Variants in SMC4 observed in about 807,000 individuals in gnomAD.
SMC4 encodes structural maintenance of chromosomes protein 4.
Under a neutral mutation model 145.6 loss-of-function variants are expected in SMC4, and 87 were observed. The observed-to-expected ratio is 0.60, with a 90% CI of 0.50 to 0.71. The LOEUF (loss-of-function observed/expected upper bound fraction) is 0.71. SMC4 is among the 30% of genes least tolerant of loss of function. The pLI is 0.00. For synonymous variants in SMC4, 558 were observed against 500.7 expected (o/e 1.11, Z -1.53); for missense variants, 1,447 against 1,537.1 (o/e 0.94, Z 0.98).
At position 160,431,050 on chromosome 3, in the gene SMC4, C is replaced by G. The variant is rs1360590552; in HGVS notation, c.2959C>G (p.Gln987Glu). 1 of 1,600,004 alleles carries G rather than the reference C, an allele frequency of 6.2e-7. No homozygotes were observed. The highest frequency in any genetic ancestry group is 2.3e-5 in the East Asian group (1 of 44,320). The change falls in exon 20 of 24, where the codon CAG becomes GAG. Residue 987 changes from glutamine to glutamate, a missense_variant. Transcript: ENST00000357388. ...NAAEESLPEIQKEHRNLLQEL... is the reference protein window; with the variant it reads ...NAAEESLPEIEKEHRNLLQEL... ...TGTTTAGGAATCCTTACCAGAGATC[C>G]AGAAAGAACATCGCAATCTGCTTCA...
At chr3:160,424,249 C>T (rs1243174143) in intron 15 of SMC4, among the ~76,000 whole-genome samples, 1 of 152,210 alleles carries the variant, frequency 6.6e-6, no homozygotes, top group Non-Finnish European at 1.5e-5. Flanking sequence ...CTTTTTTCCT[C>T]CTCAAAAACA....
chr3:160,420,714 T>C (rs963308049), intron 12 of SMC4, 26 bp from the exon 13 acceptor site: 1 of 1,604,514 alleles, frequency 6.2e-7, no homozygotes, highest in African/African-American at 1.3e-5. Flanking sequence ...GCCTAACTCT[T>C]TTTTCACCCC....
Position 160,419,506 on chromosome 3 carries a change from A to G in SMC4, c.1820A>G (p.Lys607Arg), listed in dbSNP as rs1252514961. 1 of 1,605,350 alleles carries G rather than the reference A, an allele frequency of 6.2e-7. No individual in the cohort carries two copies. The highest frequency in any genetic ancestry group is 8.5e-7 in the Non-Finnish European group (1 of 1,178,030). Residue 607 changes from lysine to arginine, a missense_variant, in exon 12 of 24, where the codon AAA (lysine) becomes AGA (arginine). By Grantham distance (26) the Lys-to-Arg change is conservative. Transcript: ENST00000357388. ...GTCCTTGATGCAATAATTCAAGAAA[A>G]AAAATCTGGCAGGATTCCAGGAATA... ...GKVLDAIIQEKKSGRIPGIYG... is the reference protein window; with the variant it reads ...GKVLDAIIQERKSGRIPGIYG...
At chr3:160,419,578 T>G in intron 12 of SMC4, 35 bp downstream of exon 12, 1 of 1,553,504 alleles carries the variant, frequency 6.4e-7, no homozygotes, top group African/African-American at 1.4e-5. Context: ...GGCTTTACTT[T>G]TTTTTTTTAA....
rs200948366 is a variant in SMC4, at chr3:160,417,945, G to A, written c.1660G>A (p.Glu554Lys). 1 of 1,609,724 alleles carries A rather than the reference G, an allele frequency of 6.2e-7. No homozygotes were observed. Residue 554 changes from glutamate to lysine, a missense_variant, in exon 11 of 24, where the codon GAA becomes AAA. Physicochemically the swap from Glu to Lys is moderately conservative, Grantham distance 56. Transcript: ENST00000357388. ...IEGKLPQTEQ[E>K]LKEKEKELQK... ...AGGAAAACTCCCTCAAACTGAACAA[G>A]AATTAAAGGAGGTAAATCTTTGCTT... is the stretch of plus-strand genomic sequence containing the variant.
intron 8 of SMC4, chr3:160,413,846 A>G (rs1359939351): frequency 2.9e-6 from 1 of 341,114 alleles, no homozygotes; most frequent in Admixed American, 4.8e-5. Context: ...GTGGCGTAGC[A>G]CAGTAACAAA....
At chr3:160,421,796 TCA>T (rs1457858643) in intron 13 of SMC4, among the ~76,000 whole-genome samples, 2 of 152,278 alleles carry the variant, frequency 1.3e-5, no homozygotes, top group Middle Eastern at 3.4e-3. Context: ...ATTAGTATAT[TCA>T]CAGTGTTGTT....
At chr3:160,412,920 C>A in intron 7 of SMC4, 1 of 517,324 alleles carries the variant, frequency 1.9e-6, no homozygotes, top group Non-Finnish European at 2.5e-6. Flanking sequence ...CGTGTAATAG[C>A]AGATCTGATT....
At chr3:160,404,289 CCAA>C (rs749838087) in intron 4 of SMC4, 36 bp from the exon 5 acceptor site, 16 of 1,569,066 alleles carry the variant, frequency 1.0e-5, no homozygotes, top group Non-Finnish European at 1.4e-5. Context: ...TGACTTAATA[CCAA>C]CAATTGTTTT....
chr3:160,401,247 A>C (rs145491986), intron 2 of SMC4, among the ~76,000 whole-genome samples: 1 of 152,100 alleles, frequency 6.6e-6, no homozygotes, highest in Non-Finnish European at 1.5e-5. Flanking sequence ...CAAAAATTCA[A>C]TATCTTTATT....
At chr3:160,423,308 G>A (rs1717380703) in intron 13 of SMC4, 117 bp from the exon 14 acceptor site, 2 of 752,214 alleles carry the variant, frequency 2.7e-6, no homozygotes, top group African/African-American at 1.9e-5. Flanking sequence ...AGAACCTTTT[G>A]TGTATAATTC....
intron 15 of SMC4, among the ~76,000 whole-genome samples, 190 bp downstream of exon 15, chr3:160,424,030 C>T (rs778133557): frequency 1.3e-5 from 2 of 152,062 alleles, no homozygotes; most frequent in Non-Finnish European, 2.9e-5. Flanking sequence ...AAATATTAAT[C>T]AGAAACTATA....
chr3:160,401,531 C>T (rs1714655925), intron 2 of SMC4, among the ~76,000 whole-genome samples: 1 of 152,066 alleles, frequency 6.6e-6, no homozygotes, highest in Non-Finnish European at 1.5e-5. Context: ...CTCAGCGGTA[C>T]GGAGAATTGC....
chr3:160,423,569 G>C lies in SMC4; in HGVS notation c.2164G>C (p.Asp722His). The stretch of plus-strand genomic sequence containing the variant: ...AGATACCTTAGTAGCTGACAACTTG[G>C]ATCAAGCCACAAGAGTAGCATATCA... Reference protein sequence around the residue: ...LRDTLVADNLDQATRVAYQKD... With the variant: ...LRDTLVADNLHQATRVAYQKD... Residue 722 changes from aspartate (D) to histidine (H), a missense_variant, in exon 14 of 24, where the codon GAT (aspartate) becomes CAT (histidine). Physicochemically the swap from Asp to His is moderately conservative, Grantham distance 81 (BLOSUM62 -1). Transcript: ENST00000357388. 2 of 1,613,708 alleles carry C rather than the reference G, an allele frequency of 1.2e-6. No homozygotes were observed. The highest frequency in any genetic ancestry group is 1.7e-4 in the Middle Eastern group (1 of 6,060).
At chr3:160,432,914 C>A in intron 22 of SMC4, 112 bp from the exon 23 acceptor site, 1 of 710,798 alleles carries the variant, frequency 1.4e-6, no homozygotes, top group South Asian at 2.0e-5. Context: ...TTGTGAAAAG[C>A]AAGTTACAGA....
chr3:160,403,225 A>G (rs929642752), intron 4 of SMC4, among the ~76,000 whole-genome samples: 2 of 152,134 alleles, frequency 1.3e-5, no homozygotes, highest in African/African-American at 2.4e-5. Context: ...AAAATGTAGC[A>G]GTTAGCCGGT....
rs926392277 is a variant in SMC4, at chr3:160,400,689, G to A, written c.-5-133G>A. On this transcript the variant is annotated intron_variant, in intron 1 of 23. Coordinates refer to ENST00000357388, the MANE Select transcript of SMC4 (RefSeq NM_001002800.3). ...CGTGTCTTTCGATGGCTCCCTTCCCGAAGTCCCGCTGCCTCTAAGCGGAGT... is the reference window on the plus strand; with the variant it reads ...CGTGTCTTTCGATGGCTCCCTTCCCAAAGTCCCGCTGCCTCTAAGCGGAGT... 46 of 1,177,348 alleles carry A rather than the reference G, an allele frequency of 3.9e-5. No individual in the cohort carries two copies. In the African/African-American group the frequency reaches 6.7e-4, roughly 17 times the overall value. The allele number at this position is 1,177,348 out of a possible 1,614,324, so 72.9% of individuals were successfully genotyped here. A position where few individuals can be genotyped will look rare whatever the true frequency, so the allele number is the denominator to read the frequency against.
At position 160,416,980 on chromosome 3, in the gene SMC4, C is replaced by T. The variant is rs375318023; in HGVS notation, c.1437+565C>T. 7.2e-5 allele frequency among the ~76,000 whole-genome samples: 11 copies of T among 152,190 alleles called. No homozygotes were observed. In the East Asian group the frequency reaches 1.9e-3, roughly 27 times the overall value. On this transcript the variant is annotated intron_variant, in intron 10 of 23. Coordinates refer to ENST00000357388, the MANE Select transcript of SMC4 (RefSeq NM_001002800.3). ...TACTGAGAAAGAAAATAAATGTTAGCTATAATTTTAGCATTATATTAATAA... is the reference window on the plus strand; with the variant it reads ...TACTGAGAAAGAAAATAAATGTTAGTTATAATTTTAGCATTATATTAATAA...
rs1718717276 is a variant in SMC4, at chr3:160,433,997, T to TA, written c.*189dup. ...TATAATTGCTTCTAGATTACAAAAA[T>TA]ATGACAATCTTGTAAGTAGCAGACT... On this transcript the variant is annotated 3_prime_UTR_variant, in exon 24 of 24. Coordinates refer to ENST00000357388, the MANE Select transcript of SMC4 (RefSeq NM_001002800.3). 2.3e-6 allele frequency: 1 copy of TA among 441,482 alleles called. No homozygotes were observed. Among genetic ancestry groups the TA allele is most frequent in the Admixed American group, 4.7e-5 (1 of 21,080 alleles). The allele number at this position is 441,482 out of a possible 1,614,324, so 27.3% of individuals were successfully genotyped here.
Sources: gnomAD v4.1 joint callset for allele counts (sites outside exome capture counted in the v4.1 genomes callset) on GRCh38, gnomAD v4.1.1 for gene constraint, MANE v1.5 for transcripts, NCBI Gene and HGNC (gene_info 2026-07-23, HGNC 2026-07-21) for gene names.